The following CNGB1 variants were observed in gnomAD, a reference collection of about 807,000 sequenced individuals.
The protein encoded by CNGB1 is cyclic nucleotide gated channel subunit beta 1, also known as cyclic nucleotide-gated channel beta-1.
Under a neutral mutation model 151.7 loss-of-function variants are expected in CNGB1, and 126 were observed. The ratio of observed to expected loss-of-function variants is 0.83; its 90% CI spans 0.72 to 0.96. The LOEUF (loss-of-function observed/expected upper bound fraction) is 0.96. Ranked by LOEUF, CNGB1 falls within the 40% of genes least tolerant of loss-of-function variation. The probability of loss-of-function intolerance (pLI) is 0.00; values close to 1 mark genes in which losing one functional copy is unlikely to be tolerated. For missense variants in CNGB1, 1,698 were observed against 1,627.0 expected, an observed-to-expected ratio of 1.04 and a Z score of -0.75; for synonymous variants, 623 against 635.1, an observed-to-expected ratio of 0.98 and a Z score of 0.29.
At chr16:57,901,921 A>G (rs953454848) in intron 27 of CNGB1, among the ~76,000 whole-genome samples, 4 of 152,086 alleles carry the variant, frequency 2.6e-5, no homozygotes, top group Admixed American at 2.6e-4. Flanking sequence ...CCACTCAGCT[A>G]CTATGTTAGT....
chr16:57,930,774 C>T (rs1038132280), intron 17 of CNGB1, among the ~76,000 whole-genome samples: 9 of 152,140 alleles, frequency 5.9e-5, no homozygotes, highest in Non-Finnish European at 1.3e-4. Context: ...TTGCATGATT[C>T]CACATATATG....
rs778172153 is a variant in CNGB1 at position 57,960,500 on chromosome 16, C to A, written c.565G>T (p.Gly189Cys). Residue 189 changes from glycine to cysteine, a missense_variant, in exon 9 of 33, where the codon GGT (glycine) becomes TGT (cysteine). Gly to Cys is a radical substitution (Grantham distance 159). Transcript: ENST00000251102. The part of the protein sequence containing the change: ...VWRDEPAVAT[G>C]AASDPAPPGR... The stretch of plus-strand genomic sequence containing the variant: ...CCTGTACCTGGGTCTGAGGCAGCAC[C>A]TGTAGCAACTGCAGGCTCATCTCTC... 1 of 1,613,662 alleles carries A rather than the reference C, an allele frequency of 6.2e-7. No homozygotes were observed. The highest frequency in any genetic ancestry group is 1.3e-5 in the African/African-American group (1 of 74,926).
intron 25 of CNGB1, 21 bp from the exon 26 acceptor site, chr16:57,904,896 G>C (rs774678857): frequency 6.2e-7 from 1 of 1,614,000 alleles, no homozygotes; most frequent in African/African-American, 1.3e-5. Context: ...AGGAGAAAGG[G>C]AACATGGGTC....
Position 57,939,572 on chromosome 16 carries a change from C to G in CNGB1, c.1230G>C (p.Gly410=). 6.2e-7 allele frequency: 1 copy of G among 1,614,186 alleles called. No individual in the cohort carries two copies. Among genetic ancestry groups the G allele is most frequent in the South Asian group, 1.1e-5 (1 of 91,082 alleles). ...TSDQKLWEEV[G]EEAKKEAEEK... is the part of the protein sequence containing the mutation. ...CTTCAGCCTCCTTCTTGGCCTCCTCCCCAACTTCCTCCCACAGCTTCTGCA... is the reference window on the plus strand; with the variant it reads ...CTTCAGCCTCCTTCTTGGCCTCCTCGCCAACTTCCTCCCACAGCTTCTGCA... Residue 410 remains glycine (G), a synonymous_variant, in exon 16 of 33, where the codon GGG becomes GGC. Transcript: ENST00000251102.
rs1241843252 is a variant in CNGB1, at chr16:57,958,699, C to T, written c.762-214G>A. Among the ~76,000 whole-genome samples the T allele has an allele frequency of 2.6e-5, 4 of 152,160 alleles. No individual in the cohort carries two copies. The East Asian group carries it at 5.8e-4, about 22-fold the overall frequency. ...ATTGTTCAGGCCCTAGCAGGTAGCT[C>T]GGCCTCCCCCCACCCTCCCACCCGT... On this transcript the variant is annotated intron_variant, in intron 10 of 32. Coordinates refer to ENST00000251102, the MANE Select transcript of CNGB1 (RefSeq NM_001297.5).
chr16:57,967,406 C>T (rs1962427877), intron 1 of CNGB1, 112 bp from the exon 2 acceptor site: 3 of 1,165,850 alleles, frequency 2.6e-6, no homozygotes, highest in Non-Finnish European at 3.8e-6. Context: ...ACTTTAAAAA[C>T]ATTTCGACTG....
chr16:57,886,960 G>A (rs183074299), intron 32 of CNGB1, among the ~76,000 whole-genome samples: 4 of 152,012 alleles, frequency 2.6e-5, no homozygotes, highest in Admixed American at 6.6e-5. Flanking sequence ...CTGCAGTCTC[G>A]ACTTCCTGGG....
chr16:57,897,844 T>G lies in CNGB1; in HGVS notation c.3047A>C (p.Lys1016Thr), dbSNP rs1960276653. 1.2e-6 allele frequency: 2 copies of G among 1,614,188 alleles called. No individual in the cohort carries two copies. Among genetic ancestry groups the G allele is most frequent in the Middle Eastern group, 1.6e-4 (1 of 6,062 alleles). ...AGCTTTCAGCGTCACCAGCACAGAT[T>G]TCCCATCAGGGCCGCCCAAGACCTG... ...QVQVLGGPDGKSVLVTLKAGS... is the reference protein window; with the variant it reads ...QVQVLGGPDGTSVLVTLKAGS... Residue 1016 changes from lysine (K) to threonine (T), a missense_variant, in exon 30 of 33, where the codon AAA (lysine) becomes ACA (threonine). Lys to Thr is a moderately conservative substitution (Grantham distance 78). Transcript: ENST00000251102.
At chr16:57,886,683 C>A (rs1285048590) in intron 32 of CNGB1, among the ~76,000 whole-genome samples, 2 of 152,154 alleles carry the variant, frequency 1.3e-5, no homozygotes, top group Admixed American at 1.3e-4. Flanking sequence ...TAACCCCAGT[C>A]CCTCTCCAGA....
Position 57,928,408 on chromosome 16 carries a change from A to T in CNGB1, c.1535+3308T>A, listed in dbSNP as rs116445561. Among the ~76,000 whole-genome samples, 198 of 152,350 alleles carry T rather than the reference A, an allele frequency of 1.3e-3. 1 individual carries two copies. The highest frequency in any genetic ancestry group is 4.7e-3 in the African/African-American group (196 of 41,576). ...GGCACATGGAGCTGGAGGAATACCC[A>T]ACAGCCATCATAAGTGAGCATTAAG... On this transcript the variant is annotated intron_variant, in intron 17 of 32. Coordinates refer to ENST00000251102, the MANE Select transcript of CNGB1 (RefSeq NM_001297.5).
At position 57,892,262 on chromosome 16, in the gene CNGB1, G is replaced by A. The variant is rs79422093; in HGVS notation, c.3243-4188C>T. On this transcript the variant is annotated intron_variant, in intron 31 of 32. Coordinates refer to ENST00000251102, the MANE Select transcript of CNGB1 (RefSeq NM_001297.5). ...AAAGCCTGTTAGTATTGATCTTGGCGTTGCAAGTCCATTTCAGTGAGGAGG... is the reference window on the plus strand; with the variant it reads ...AAAGCCTGTTAGTATTGATCTTGGCATTGCAAGTCCATTTCAGTGAGGAGG... 7.5e-3 allele frequency among the ~76,000 whole-genome samples: 1,135 copies of A among 152,174 alleles called. 13 individuals are homozygous for A. Among genetic ancestry groups the A allele is most frequent in the African/African-American group, 0.026 (1,081 of 41,480 alleles).
rs192843629 is a variant in CNGB1 at position 57,916,137 on chromosome 16, G to T, written c.2209C>A (p.Arg737Ser). ...GCATGCCCGGCACACACCTTGAAGC[G>T]GCGAGACTTCAGGTAGTTATTTCGC... The part of the protein sequence containing the change: ...DMRNNYLKSR[R>S]FKMDLLSLLP... Residue 737 changes from arginine (R) to serine (S), a missense_variant, in exon 22 of 33, where the codon CGC becomes AGC. Arg to Ser is a moderately radical substitution (Grantham distance 110). Coordinates refer to ENST00000251102, the MANE Select transcript of CNGB1 (RefSeq NM_001297.5). The T allele has an allele frequency of 5.6e-6, 9 of 1,613,920 alleles. No individual in the cohort carries two copies. In the South Asian group the frequency reaches 9.9e-5, roughly 18 times the overall value.
chr16:57,897,614 C>T (rs1960269968), intron 30 of CNGB1, 71 bp from the exon 31 acceptor site: 1 of 1,608,558 alleles, frequency 6.2e-7, no homozygotes, highest in African/African-American at 1.3e-5. Flanking sequence ...TCTTCATTTC[C>T]CATGTGTGGA....
chr16:57,957,516 C>G (rs1211349242), intron 11 of CNGB1, 139 bp from the exon 12 acceptor site: 5 of 750,338 alleles, frequency 6.7e-6, no homozygotes, highest in Non-Finnish European at 9.4e-6. Flanking sequence ...AAGAGAGTCC[C>G]TGCTGTGCCC....
At chr16:57,914,972 G>A (rs1265893129) in intron 23 of CNGB1, among the ~76,000 whole-genome samples, 1 of 152,178 alleles carries the variant, frequency 6.6e-6, no homozygotes, top group African/African-American at 2.4e-5. Context: ...CCTCCTGGCT[G>A]TGTGACTTTG....
chr16:57,887,856 T>G lies in CNGB1; in HGVS notation c.3461A>C (p.Gln1154Pro). 1 of 1,614,042 alleles carries G rather than the reference T, an allele frequency of 6.2e-7. No individual in the cohort carries two copies. Residue 1154 changes from glutamine (Q) to proline (P), a missense_variant and splice_region_variant, in exon 32 of 33, where the codon CAG becomes CCG. Gln to Pro is a moderately conservative substitution (Grantham distance 76). Coordinates refer to ENST00000251102, the MANE Select transcript of CNGB1 (RefSeq NM_001297.5). ...AAAKQQELVEQAKSSQDVKGE... is the reference protein window; with the variant it reads ...AAAKQQELVEPAKSSQDVKGE... ...TGGCTGGGTTCCCAACCACATTACCTGTTCCACCAACTCTTGCTGCTTTGC... is the reference window on the plus strand; with the variant it reads ...TGGCTGGGTTCCCAACCACATTACCGGTTCCACCAACTCTTGCTGCTTTGC...
At chr16:57,886,834 A>C (rs1959943766) in intron 32 of CNGB1, among the ~76,000 whole-genome samples, 1 of 152,202 alleles carries the variant, frequency 6.6e-6, no homozygotes. Context: ...GGGTGGGGAC[A>C]TTTGGCATTT....
At chr16:57,955,430 G>A in intron 12 of CNGB1, 1 of 1,326,828 alleles carries the variant, frequency 7.5e-7, no homozygotes, top group South Asian at 1.3e-5. Flanking sequence ...ATGAGTGAGT[G>A]AGTGAGTGAG....
In CNGB1 at chr16:57,954,954, G is replaced by T. The variant is rs1384685769; in HGVS notation, c.874+2387C>A. On this transcript the variant is annotated intron_variant, in intron 12 of 32. Coordinates refer to ENST00000251102, the MANE Select transcript of CNGB1 (RefSeq NM_001297.5). ...TTTAGAGACAGGGTCTCACTGTGTTGCCCACGGTGGTCTCGAACTTCGGGG... is the reference window on the plus strand; with the variant it reads ...TTTAGAGACAGGGTCTCACTGTGTTTCCCACGGTGGTCTCGAACTTCGGGG... 9 of 1,091,326 alleles carry T rather than the reference G, an allele frequency of 8.2e-6. No homozygotes were observed. In the East Asian group the frequency reaches 6.1e-4, roughly 73 times the overall value. The allele number at this position is 1,091,326 out of a possible 1,614,324, so 67.6% of individuals were successfully genotyped here.
Sources: allele counts gnomAD v4.1 joint callset (sites outside exome capture counted in the v4.1 genomes callset), GRCh38; gene constraint gnomAD v4.1.1; transcripts MANE v1.5; gene names NCBI Gene and HGNC (gene_info 2026-07-23, HGNC 2026-07-21).